Variants in DLC1 observed in about 807,000 individuals in gnomAD.
DLC1 encodes DLC1 Rho GTPase activating protein.
In DLC1, 54 loss-of-function variants were observed where a neutral mutation model predicts 140.3. The observed-to-expected ratio is 0.38, with a 90% confidence interval of 0.31 to 0.48. The LOEUF (loss-of-function observed/expected upper bound fraction) is 0.48. Among genes scored for constraint, DLC1 ranks in the 20% least tolerant of loss-of-function variants. The probability of loss-of-function intolerance (pLI) is 0.96; values close to 1 mark genes in which losing one functional copy is unlikely to be tolerated. For synonymous variants in DLC1, 986 were observed against 728.1 expected, an observed-to-expected ratio of 1.35 and a Z score of -5.70; for missense variants, 2,536 against 1,907.0, an observed-to-expected ratio of 1.33 and a Z score of -6.14.
At chr8:13,537,964 A>G (rs1803348717) in intron 1 of DLC1, among the ~76,000 whole-genome samples, 1 of 152,114 alleles carries the variant, frequency 6.6e-6, no homozygotes. Flanking sequence ...AGCAACAGCT[A>G]ACTCTTGAGA....
intron 2 of DLC1, among the ~76,000 whole-genome samples, chr8:13,414,601 A>G (rs1837959341): frequency 6.6e-6 from 1 of 152,196 alleles, no homozygotes; most frequent in Admixed American, 6.5e-5. Context: ...CATAAACCCA[A>G]ACTGACATTT....
intron 1 of DLC1, among the ~76,000 whole-genome samples, chr8:13,572,919 C>G (rs1804712968): frequency 2.0e-5 from 3 of 152,238 alleles, no homozygotes; most frequent in Admixed American, 1.3e-4. Flanking sequence ...CATGGAATCT[C>G]TATCCTTTTT....
chr8:13,449,765 C>T (rs1022638593), intron 2 of DLC1, among the ~76,000 whole-genome samples: 4 of 151,896 alleles, frequency 2.6e-5, no homozygotes, highest in Non-Finnish European at 5.9e-5. Context: ...CACATCTGTA[C>T]ATATGTAACT....
At chr8:13,412,007 C>G (rs1055574672) in intron 2 of DLC1, among the ~76,000 whole-genome samples, 1 of 152,000 alleles carries the variant, frequency 6.6e-6, no homozygotes, top group South Asian at 2.1e-4. Context: ...TTCTATGAAA[C>G]AGCACACTGT....
intron 4 of DLC1, among the ~76,000 whole-genome samples, chr8:13,357,777 A>G (rs1283638904): frequency 1.8e-4 from 28 of 152,236 alleles, no homozygotes; most frequent in Non-Finnish European, 4.1e-4. Context: ...ATGAAAATCC[A>G]GATGGATGAA....
chr8:13,096,297 T>A (rs1818494133), intron 10 of DLC1, among the ~76,000 whole-genome samples: 1 of 152,108 alleles, frequency 6.6e-6, no homozygotes, highest in Non-Finnish European at 1.5e-5. Context: ...CACTCCGAAA[T>A]GAGAATCTAA....
intron 4 of DLC1, among the ~76,000 whole-genome samples, chr8:13,308,571 G>A (rs563626934): frequency 5.3e-5 from 8 of 152,090 alleles, no homozygotes; most frequent in South Asian, 2.1e-4. Flanking sequence ...TTGCTCTACC[G>A]TTAGTTAAAG....
Position 13,088,698 on chromosome 8 carries a change from C to T in DLC1, c.4081G>A (p.Glu1361Lys), listed in dbSNP as rs767802518. ...QAELSYKKVS[E>K]GPPLRLWRSV... ...CTCCAAAGCCTCAGAGGGGGTCCTT[C>T]GCTCACCTGGAAAGAGGATGTATTT... The change falls in exon 16 of 18, where the codon GAA becomes AAA. Residue 1361 changes from glutamate to lysine, a missense_variant. Coordinates refer to ENST00000276297, the MANE Select transcript of DLC1 (RefSeq NM_182643.3). The T allele has an allele frequency of 1.6e-5, 26 of 1,613,996 alleles. No individual in the cohort carries two copies. The highest frequency in any genetic ancestry group is 6.7e-5 in the East Asian group (3 of 44,866).
At chr8:13,583,548 G>A (rs1805191993) in intron 1 of DLC1, among the ~76,000 whole-genome samples, 1 of 152,094 alleles carries the variant, frequency 6.6e-6, no homozygotes, top group African/African-American at 2.4e-5. Flanking sequence ...CAGGAGGGTT[G>A]GAATCAACTT....
At chr8:13,324,967 T>C (rs949858786) in intron 4 of DLC1, among the ~76,000 whole-genome samples, 2 of 152,318 alleles carry the variant, frequency 1.3e-5, no homozygotes, top group African/African-American at 4.8e-5. Flanking sequence ...TCCAAATGGT[T>C]AGTTTGTTTG....
In DLC1 at chr8:13,401,495, G is replaced by T; in HGVS notation, c.1148C>A (p.Pro383Gln). 7 of 1,612,620 alleles carry T rather than the reference G, an allele frequency of 4.3e-6. No individual in the cohort carries two copies. The highest frequency in any genetic ancestry group is 5.9e-6 in the Non-Finnish European group (7 of 1,179,992). Residue 383 changes from proline to glutamine, a missense_variant, in exon 3 of 18, where the codon CCA becomes CAA. By Grantham distance (76) the Pro-to-Gln change is moderately conservative (BLOSUM62 -1). Coordinates refer to ENST00000276297, the MANE Select transcript of DLC1 (RefSeq NM_182643.3). ...LSTSSSPSGT[P>Q]TNLRRHVPDL... ...AGGAACGTGCCGCCGCAGGTTTGTTGGTGTGCCTGATGGAGAGGAGCTGGT... is the reference window on the plus strand; with the variant it reads ...AGGAACGTGCCGCCGCAGGTTTGTTTGTGTGCCTGATGGAGAGGAGCTGGT...
rs997507616 is a variant in DLC1, at chr8:13,553,301, T to A, written c.-126+51236A>T. 3.4e-5 allele frequency among the ~76,000 whole-genome samples: 5 copies of A among 145,760 alleles called. No individual in the cohort carries two copies. In the East Asian group the frequency reaches 6.3e-4, roughly 18 times the overall value. On this transcript the variant is annotated intron_variant, in intron 1 of 1. Coordinates refer to the DLC1 transcript ENST00000631382. ...TAGATGAACTTTCTGTGCTCCTATA[T>A]AAGGCCAATTTCTCCATGCATGTAC...
At chr8:13,374,462 G>A (rs927226718) in intron 4 of DLC1, among the ~76,000 whole-genome samples, 1 of 152,148 alleles carries the variant, frequency 6.6e-6, no homozygotes, top group Non-Finnish European at 1.5e-5. Context: ...TATGAGTGAG[G>A]GAAGGGGGCC....
chr8:13,509,585 A>C (rs1206180251), intron 1 of DLC1, among the ~76,000 whole-genome samples: 1 of 152,214 alleles, frequency 6.6e-6, no homozygotes, highest in African/African-American at 2.4e-5. Context: ...TCCTTCAATT[A>C]ATTAAGCACT....
At chr8:13,445,553 T>C (rs924764127) in intron 2 of DLC1, among the ~76,000 whole-genome samples, 11 of 152,168 alleles carry the variant, frequency 7.2e-5, no homozygotes, top group Admixed American at 3.3e-4. Flanking sequence ...AGCTGTCAAT[T>C]AGAATAATCA....
intron 6 of DLC1, among the ~76,000 whole-genome samples, chr8:13,114,425 C>T (rs1820372420): frequency 6.6e-6 from 1 of 152,128 alleles, no homozygotes; most frequent in African/African-American, 2.4e-5. Context: ...ACAAGCACTC[C>T]CCAGGGTACG....
chr8:13,264,021 A>G (rs1469293934), intron 5 of DLC1, among the ~76,000 whole-genome samples: 1 of 150,924 alleles, frequency 6.6e-6, no homozygotes, highest in Non-Finnish European at 1.5e-5. Context: ...ATTAGGGCAT[A>G]TTTGTATGAC....
intron 5 of DLC1, among the ~76,000 whole-genome samples, chr8:13,158,778 T>A (rs1321169282): frequency 7.8e-6 from 1 of 128,408 alleles, no homozygotes; most frequent in Non-Finnish European, 1.6e-5. Context: ...CTTTTTTTCC[T>A]CTGTCTTATT....
At chr8:13,120,634 A>G (rs940923608) in intron 5 of DLC1, among the ~76,000 whole-genome samples, 3 of 152,026 alleles carry the variant, frequency 2.0e-5, no homozygotes, top group Non-Finnish European at 4.4e-5. Context: ...TAAAAATACA[A>G]TGGAAATACA....
Sources: allele counts gnomAD v4.1 joint callset (sites outside exome capture counted in the v4.1 genomes callset), GRCh38; gene constraint gnomAD v4.1.1; transcripts MANE v1.5; gene names NCBI Gene and HGNC (gene_info 2026-07-23, HGNC 2026-07-21).